Variants in RPS6KA2 observed in about 807,000 individuals in gnomAD.
The protein encoded by RPS6KA2 is ribosomal protein S6 kinase alpha-2.
In RPS6KA2, 42 loss-of-function variants were observed where a neutral mutation model predicts 91.8. The ratio of observed to expected loss-of-function variants is 0.46; its 90% CI spans 0.36 to 0.59. RPS6KA2 has a LOEUF of 0.59. Ranked by LOEUF, RPS6KA2 falls within the 20% of genes least tolerant of loss-of-function variation. RPS6KA2 has a pLI of 0.00. For missense variants in RPS6KA2, 798 were observed against 978.5 expected, an observed-to-expected ratio of 0.82 and a Z score of 2.46; for synonymous variants, 414 against 393.6, an observed-to-expected ratio of 1.05 and a Z score of -0.61.
intron 2 of RPS6KA2, among the ~76,000 whole-genome samples, chr6:166,676,518 C>G (rs1788625403): frequency 6.6e-6 from 1 of 152,132 alleles, no homozygotes; most frequent in African/African-American, 2.4e-5. Context: ...CGGGAAGATT[C>G]CTCTTGATTT....
At chr6:166,484,176 A>C (rs1196000817) in intron 10 of RPS6KA2, among the ~76,000 whole-genome samples, 1 of 152,248 alleles carries the variant, frequency 6.6e-6, no homozygotes, top group Non-Finnish European at 1.5e-5. Flanking sequence ...CACACACTTC[A>C]GGGCAAGGAG....
chr6:166,465,809 C>T lies in RPS6KA2; in HGVS notation c.972+4032G>A, dbSNP rs377655590. 1.7e-3 allele frequency among the ~76,000 whole-genome samples: 256 copies of T among 152,322 alleles called. 1 individual carries two copies. Among genetic ancestry groups the T allele is most frequent in the African/African-American group, 6.0e-3 (248 of 41,582 alleles). ...TGAGCAGCTGGAGGACGGGGCTCTG[C>T]GTTCCAGCTGTGACGTCATGGACAT... On this transcript the variant is annotated intron_variant, in intron 11 of 20. Transcript: ENST00000265678.
At position 166,849,234 on chromosome 6, in the gene RPS6KA2, T is replaced by C. The variant is rs1780676170; in HGVS notation, c.123+8966A>G. Among the ~76,000 whole-genome samples the C allele has an allele frequency of 2.0e-5, 3 of 152,286 alleles. No individual in the cohort carries two copies. In the South Asian group the frequency reaches 6.2e-4, roughly 32 times the overall value. On this transcript the variant is annotated intron_variant, in intron 2 of 21. Coordinates refer to the RPS6KA2 transcript ENST00000503859. This position sits in a 1 kb window ranked among gnomAD's most constrained non-coding sequence, Gnocchi z 4.9. ...TCTTCTCATCAGTCAGGTCGTGGCC[T>C]AAACATGGCGTGGGTAGAGAAGTCT...
chr6:166,470,981 G>A (rs991991313), intron 10 of RPS6KA2, among the ~76,000 whole-genome samples: 2 of 152,154 alleles, frequency 1.3e-5, no homozygotes, highest in African/African-American at 4.8e-5. Context: ...AAGGGGCAGT[G>A]GCGGCGGTGG....
At chr6:166,553,490 C>G (rs1163365380) in intron 1 of RPS6KA2, among the ~76,000 whole-genome samples, 1 of 146,022 alleles carries the variant, frequency 6.8e-6, no homozygotes. Context: ...CAAGAAAATG[C>G]TTGGGAAAGA....
chr6:166,471,471 G>A (rs976233959), intron 10 of RPS6KA2, among the ~76,000 whole-genome samples: 7 of 152,222 alleles, frequency 4.6e-5, no homozygotes, highest in Non-Finnish European at 7.3e-5. Context: ...TGCTAGGAAC[G>A]AACCCACATA....
intron 2 of RPS6KA2, among the ~76,000 whole-genome samples, chr6:166,801,681 G>T (rs973002859): frequency 1.3e-5 from 2 of 152,002 alleles, no homozygotes; most frequent in African/African-American, 4.8e-5. Context: ...TATTCATTTT[G>T]CTATATTCAA....
chr6:166,507,714 A>G (rs1782291458), intron 5 of RPS6KA2, among the ~76,000 whole-genome samples: 1 of 149,862 alleles, frequency 6.7e-6, no homozygotes, highest in Admixed American at 6.7e-5. Flanking sequence ...CACACACACC[A>G]TCACACACAG....
intron 2 of RPS6KA2, among the ~76,000 whole-genome samples, chr6:166,827,351 T>C (rs1053951017): frequency 4.0e-5 from 6 of 150,570 alleles, no homozygotes; most frequent in Non-Finnish European, 2.9e-5. Context: ...GAACAAAACG[T>C]GATGTGTATA....
At chr6:166,684,750 A>C (rs1400129260) in intron 2 of RPS6KA2, among the ~76,000 whole-genome samples, 1 of 152,178 alleles carries the variant, frequency 6.6e-6, no homozygotes, top group Non-Finnish European at 1.5e-5. Flanking sequence ...CCTCCAGCCT[A>C]CATCGCTTTT....
chr6:166,630,026 G>T (rs1481636692), upstream of RPS6KA2, among the ~76,000 whole-genome samples: 1 of 152,144 alleles, frequency 6.6e-6, no homozygotes, highest in Non-Finnish European at 1.5e-5. Flanking sequence ...AGATGAATGA[G>T]AAGCCAATTC....
At chr6:166,773,935 G>T (rs879414472) in intron 2 of RPS6KA2, among the ~76,000 whole-genome samples, 3 of 152,204 alleles carry the variant, frequency 2.0e-5, no homozygotes, top group Non-Finnish European at 4.4e-5. Flanking sequence ...AAAATAAATG[G>T]ACGTGGTCAG....
chr6:166,517,450 GTTTTGTTTTTT>G (rs1782686354), intron 3 of RPS6KA2, among the ~76,000 whole-genome samples: 5 of 83,800 alleles, frequency 6.0e-5, no homozygotes, highest in African/African-American at 3.4e-4. Context: ...GCGTTCTTTT[GTTTTGTTTTTT>G]TTTTTTTTTT....
chr6:166,603,794 G>GC lies in RPS6KA2; in HGVS notation c.99+23126dup, dbSNP rs1051400647. 1.3e-5 allele frequency among the ~76,000 whole-genome samples: 2 copies of GC among 152,210 alleles called. No homozygotes were observed. Among genetic ancestry groups the GC allele is most frequent in the Non-Finnish European group, 2.9e-5 (2 of 68,030 alleles). ...TGTGGCCCAGGTGTATCAAATAAAT[G>GC]CCCCCGTACTGTTGTTTGCGATAAC... On this transcript the variant is annotated intron_variant, in intron 1 of 20. Coordinates refer to ENST00000265678, the MANE Select transcript of RPS6KA2 (RefSeq NM_021135.6). The surrounding 1 kb of genome is among the most constrained non-coding windows in gnomAD (Gnocchi z 4.3).
intron 2 of RPS6KA2, among the ~76,000 whole-genome samples, chr6:166,715,640 C>T (rs6929068): frequency 0.22 from 33,054 of 151,948 alleles, 4,112 homozygotes; most frequent in African/African-American, 0.33. Context: ...TGGCACACAC[C>T]GAGGCTATCT....
chr6:166,470,249 G>A (rs1327811820), intron 10 of RPS6KA2, among the ~76,000 whole-genome samples: 1 of 152,234 alleles, frequency 6.6e-6, no homozygotes, highest in Non-Finnish European at 1.5e-5. Flanking sequence ...AGGTGCCTGT[G>A]AGTGTGAGCA....
intron 1 of RPS6KA2, among the ~76,000 whole-genome samples, chr6:166,615,573 C>T (rs1026155251): frequency 2.6e-5 from 4 of 152,162 alleles, no homozygotes; most frequent in South Asian, 2.1e-4. Flanking sequence ...CGGCCTTTCC[C>T]GCTTGAAACA....
At chr6:166,677,400 C>T (rs1396603409) in intron 2 of RPS6KA2, among the ~76,000 whole-genome samples, 2 of 146,462 alleles carry the variant, frequency 1.4e-5, no homozygotes, top group Non-Finnish European at 3.0e-5. Flanking sequence ...CTCACTTTGT[C>T]ACCCAGGCTG....
At chr6:166,661,864 C>T (rs917342346) in intron 2 of RPS6KA2, among the ~76,000 whole-genome samples, 9 of 152,068 alleles carry the variant, frequency 5.9e-5, no homozygotes, top group African/African-American at 1.9e-4. Flanking sequence ...AAGTTGTTTT[C>T]GAGTACACTA....
Sources: gnomAD v4.1 joint callset for allele counts (sites outside exome capture counted in the v4.1 genomes callset) on GRCh38, gnomAD v4.1.1 for gene constraint, Gnocchi (gnomAD v3.1) non-coding constraint, MANE v1.5 for transcripts, NCBI Gene and HGNC (gene_info 2026-07-23, HGNC 2026-07-21) for gene names.